The following KLC1 variants were observed in gnomAD, a reference collection of about 807,000 sequenced individuals.
KLC1 encodes kinesin light chain 1, also known as kinesin 2 60/70kDa.
KLC1 carries 30 observed loss-of-function variants against 84.2 expected under a neutral mutation model. The observed-to-expected ratio is 0.36, with a 90% CI of 0.27 to 0.48. The LOEUF (loss-of-function observed/expected upper bound fraction) is 0.48, where lower values mean the gene tolerates loss of function less well. Among genes scored for constraint, KLC1 ranks in the 20% least tolerant of loss-of-function variants. The pLI is 0.99. For missense variants in KLC1, 499 were observed against 805.4 expected (o/e 0.62, Z 4.60); for synonymous variants, 289 against 293.3 (o/e 0.99, Z 0.15).
At chr14:103,681,962 C>T (rs2081373234) in intron 13 of KLC1, among the ~76,000 whole-genome samples, 1 of 152,142 alleles carries the variant, frequency 6.6e-6, no homozygotes, top group South Asian at 2.1e-4. Flanking sequence ...GAAAATTTCC[C>T]TGAGATTGCA....
intron 13 of KLC1, among the ~76,000 whole-genome samples, chr14:103,681,061 C>G (rs2081304734): frequency 6.6e-6 from 1 of 152,196 alleles, no homozygotes; most frequent in Non-Finnish European, 1.5e-5. Context: ...ATGAAAGCAG[C>G]TGCTCCTCTG....
chr14:103,698,711 G>A, intron 15 of KLC1: 3 of 1,259,744 alleles, frequency 2.4e-6, no homozygotes, highest in Non-Finnish European at 3.4e-6. Context: ...TCCCAGCTGT[G>A]CCACGGCCCA....
Position 103,678,526 on chromosome 14 carries a change from G to GT in KLC1, c.1489-847dup, listed in dbSNP as rs200927025. ...ATAGTGATACTTTGTCTCTACAAAA[G>GT]TTTTTTTTTTTAAATTAGCCAGGTG... On this transcript the variant is annotated intron_variant, in intron 12 of 16. Coordinates refer to ENST00000334553, the MANE Select transcript of KLC1 (RefSeq NM_001394837.1). 5.9e-3 allele frequency among the ~76,000 whole-genome samples: 862 copies of GT among 147,166 alleles called. 15 individuals are homozygous for GT. The East Asian group carries it at 0.07, about 12-fold the overall frequency.
chr14:103,638,883 ATGTG>A (rs1001463115), intron 1 of KLC1, among the ~76,000 whole-genome samples: 4 of 151,408 alleles, frequency 2.6e-5, no homozygotes, highest in African/African-American at 9.7e-5. Flanking sequence ...CATAGGGTGT[ATGTG>A]TGTGAGCACA....
At chr14:103,656,076 T>C (rs1468132595) in intron 2 of KLC1, among the ~76,000 whole-genome samples, 2 of 152,200 alleles carry the variant, frequency 1.3e-5, no homozygotes, top group Non-Finnish European at 2.9e-5. Flanking sequence ...TCTTGGGGAC[T>C]GAGAGTGAGC....
intron 5 of KLC1, among the ~76,000 whole-genome samples, chr14:103,664,619 A>G (rs964915447): frequency 6.6e-5 from 10 of 152,036 alleles, no homozygotes; most frequent in Admixed American, 2.0e-4. Flanking sequence ...GCCTCAAGCA[A>G]TCTTCCTGCC....
intron 1 of KLC1, among the ~76,000 whole-genome samples, chr14:103,645,755 T>TA (rs1281775438): frequency 1.5e-5 from 2 of 134,832 alleles, no homozygotes; most frequent in Non-Finnish European, 3.2e-5. Flanking sequence ...AAATAGGTGT[T>TA]ACAATCCTTT....
chr14:103,638,160 A>G (rs940117044), intron 1 of KLC1, among the ~76,000 whole-genome samples: 14 of 151,776 alleles, frequency 9.2e-5, no homozygotes, highest in Admixed American at 9.2e-4. Context: ...CCTGTTGCCC[A>G]TCTCTCGGTA....
intron 3 of KLC1, among the ~76,000 whole-genome samples, chr14:103,660,234 C>A (rs188775970): frequency 1.8e-3 from 272 of 150,440 alleles, no homozygotes; most frequent in South Asian, 0.013. Context: ...TAATCCCAGC[C>A]CTTAGGGAGG....
rs188223009 is a variant in KLC1 at position 103,653,714 on chromosome 14, A to G, written c.-1-850A>G. On this transcript the variant is annotated intron_variant, in intron 1 of 16. Coordinates refer to ENST00000334553, the MANE Select transcript of KLC1 (RefSeq NM_001394837.1). Reference sequence around the variant, plus strand: ...AGACAGTGGCAGTGCTGTGAAGGAAATAACTCTGACGTGTAATCTTGCCTC... The same window carrying G: ...AGACAGTGGCAGTGCTGTGAAGGAAGTAACTCTGACGTGTAATCTTGCCTC... Among the ~76,000 whole-genome samples, 379 of 152,334 alleles carry G rather than the reference A, an allele frequency of 2.5e-3. 4 individuals carry two copies. Among genetic ancestry groups the G allele is most frequent in the Non-Finnish European group, 1.9e-3 (127 of 68,040 alleles).
rs1208028786 is a variant in KLC1 at position 103,695,810 on chromosome 14, A to AG, written c.1848+3390dup. 4.1e-6 allele frequency: 4 copies of AG among 985,288 alleles called. No homozygotes were observed. The African/African-American group carries it at 7.0e-5, about 17-fold the overall frequency. The allele number at this position is 985,288 out of a possible 1,614,324, so 61.0% of individuals were successfully genotyped here. A position where few individuals can be genotyped will look rare whatever the true frequency, so the allele number is the denominator to read the frequency against. ...ACTGTGTGTTGGGGTAAGAGAAGCC[A>AG]GGGGGCCTCCCTGAAGCCAGCTCAT... On this transcript the variant is annotated intron_variant, in intron 15 of 16. Coordinates refer to ENST00000334553, the MANE Select transcript of KLC1 (RefSeq NM_001394837.1).
chr14:103,654,772 A>G lies in KLC1; in HGVS notation c.208A>G (p.Asn70Asp), dbSNP rs1437814722. 11 of 1,614,126 alleles carry G rather than the reference A, an allele frequency of 6.8e-6. No homozygotes were observed. The highest frequency in any genetic ancestry group is 1.3e-5 in the African/African-American group (1 of 74,944). Reference protein sequence around the residue: ...DESNLVEEKSNMIRKSLEMLE... With the variant: ...DESNLVEEKSDMIRKSLEMLE... The stretch of plus-strand genomic sequence containing the variant: ...AAGTAATTTGGTGGAGGAGAAATCA[A>G]ACATGATCCGGAAGTCACTGGAGAT... Residue 70 changes from asparagine to aspartate, a missense_variant, in exon 2 of 17, where the codon AAC becomes GAC. This residue lies in a region of KLC1 where 179 missense variants were observed against 264.2 expected (regional missense o/e 0.68). Coordinates refer to ENST00000334553, the MANE Select transcript of KLC1 (RefSeq NM_001394837.1).
At chr14:103,662,272 G>A (rs994761335) in intron 4 of KLC1, 78 bp downstream of exon 4, 1 of 1,212,290 alleles carries the variant, frequency 8.2e-7, no homozygotes, top group African/African-American at 1.5e-5. Flanking sequence ...ATAGCAATCA[G>A]TGGCAGCCTT....
At chr14:103,657,458 C>T in intron 2 of KLC1, 88 bp from the exon 3 acceptor site, 1 of 956,686 alleles carries the variant, frequency 1.0e-6, no homozygotes, top group East Asian at 2.5e-5. Context: ...GTGTAAGCTA[C>T]AGCCCCAGCC....
At chr14:103,636,592 C>T (rs963264475) in intron 1 of KLC1, among the ~76,000 whole-genome samples, 6 of 152,066 alleles carry the variant, frequency 3.9e-5, no homozygotes, top group Non-Finnish European at 7.4e-5. Flanking sequence ...GTGCATTTCA[C>T]TGATGACTCA....
At chr14:103,697,680 G>A (rs1469198713) in intron 15 of KLC1, 1 of 152,234 alleles carries the variant, frequency 6.6e-6, no homozygotes. Context: ...TGGAGGCACT[G>A]AGTGGGGGGT....
intron 7 of KLC1, among the ~76,000 whole-genome samples, chr14:103,671,456 G>GC (rs1484957554): frequency 2.6e-5 from 4 of 151,776 alleles, no homozygotes; most frequent in African/African-American, 9.7e-5. Context: ...TGCAGCCTTC[G>GC]CCTCCTGGAT....
intron 1 of KLC1, among the ~76,000 whole-genome samples, chr14:103,632,784 G>A (rs2076782766): frequency 6.6e-6 from 1 of 152,120 alleles, no homozygotes; most frequent in African/African-American, 2.4e-5. Flanking sequence ...GCTGGCATGG[G>A]CAGGTACCAC....
intron 1 of KLC1, among the ~76,000 whole-genome samples, chr14:103,641,397 G>A (rs186433472): frequency 3.8e-3 from 579 of 152,080 alleles, no homozygotes; most frequent in Non-Finnish European, 6.4e-3. Context: ...CTTAGCTTGC[G>A]AGGCTGTAAC....
Sources: gnomAD v4.1 joint callset for allele counts (sites outside exome capture counted in the v4.1 genomes callset) on GRCh38, gnomAD v4.1.1 for gene constraint, gnomAD v4.1.1 regional missense constraint, MANE v1.5 for transcripts, NCBI Gene and HGNC (gene_info 2026-07-23, HGNC 2026-07-21) for gene names.